Variants in GAREM1 observed in about 807,000 individuals in gnomAD.
GAREM1 encodes GRB2-associated and regulator of MAPK protein 1.
A neutral mutation model predicts 71.3 loss-of-function variants in GAREM1; 26 were observed. That is an observed-to-expected ratio of 0.36 (90% CI 0.27 to 0.51). The LOEUF (loss-of-function observed/expected upper bound fraction) is 0.51, where lower values mean the gene tolerates loss of function less well. Ranked by LOEUF, GAREM1 falls within the 20% of genes least tolerant of loss-of-function variation. GAREM1 has a pLI of 0.95. For synonymous variants in GAREM1, 440 were observed against 433.2 expected, an observed-to-expected ratio of 1.02 and a Z score of -0.20; for missense variants, 1,026 against 1,103.1, an observed-to-expected ratio of 0.93 and a Z score of 0.99.
At chr18:32,343,616 T>G (rs1208471646) in intron 2 of GAREM1, among the ~76,000 whole-genome samples, 1 of 152,192 alleles carries the variant, frequency 6.6e-6, no homozygotes, top group Admixed American at 6.5e-5. Flanking sequence ...AAGAGTACTT[T>G]TAAACCAAGC....
intron 4 of GAREM1, among the ~76,000 whole-genome samples, chr18:32,278,431 G>A (rs1416733414): frequency 6.6e-6 from 1 of 152,174 alleles, no homozygotes; most frequent in Non-Finnish European, 1.5e-5. Context: ...GGATCGTTTT[G>A]TTTCCATATT....
At chr18:32,444,377 C>A (rs2048767913) in intron 1 of GAREM1, among the ~76,000 whole-genome samples, 1 of 152,086 alleles carries the variant, frequency 6.6e-6, no homozygotes. Context: ...CTGCTTTTGC[C>A]CCCAGGCTTG....
At chr18:32,399,978 T>G (rs950816931) in intron 1 of GAREM1, among the ~76,000 whole-genome samples, 2 of 152,080 alleles carry the variant, frequency 1.3e-5, no homozygotes, top group Non-Finnish European at 2.9e-5. Context: ...AACAGAGATA[T>G]AGACCAATGG....
At chr18:32,372,579 C>A (rs1194495262) in intron 2 of GAREM1, among the ~76,000 whole-genome samples, 3 of 152,178 alleles carry the variant, frequency 2.0e-5, no homozygotes, top group Non-Finnish European at 2.9e-5. Context: ...CAAAGAGTGA[C>A]ACCCAGTGAG....
chr18:32,326,362 C>T (rs540158312), intron 2 of GAREM1, among the ~76,000 whole-genome samples: 1 of 152,220 alleles, frequency 6.6e-6, no homozygotes, highest in South Asian at 2.1e-4. Context: ...AAATTTGTGA[C>T]CATAATGACA....
At chr18:32,457,224 A>AGTGTGTGTGTGTGTGT (rs1309543369) in intron 1 of GAREM1, among the ~76,000 whole-genome samples, 12 of 107,362 alleles carry the variant, frequency 1.1e-4, no homozygotes, top group Non-Finnish European at 2.2e-4. Flanking sequence ...AGAGAGAGAG[A>AGTGTGTGTGTGTGTGT]GAGTGTGTGT....
intron 4 of GAREM1, among the ~76,000 whole-genome samples, chr18:32,274,650 T>G (rs1265112816): frequency 6.6e-6 from 1 of 152,146 alleles, no homozygotes. Context: ...CGCAGGTCCA[T>G]GCAAAGTGGT....
At chr18:32,347,554 A>C (rs956404790) in intron 2 of GAREM1, among the ~76,000 whole-genome samples, 25 of 152,196 alleles carry the variant, frequency 1.6e-4, no homozygotes, top group Admixed American at 1.2e-3. Context: ...CTAAATTTAG[A>C]AAAACAGTCT....
intron 2 of GAREM1, among the ~76,000 whole-genome samples, chr18:32,346,031 A>T (rs2047692674): frequency 6.6e-6 from 1 of 152,150 alleles, no homozygotes; most frequent in Non-Finnish European, 1.5e-5. Context: ...TCTCCACTAA[A>T]CTCAGTCTTA....
chr18:32,354,400 T>C (rs1598983979), intron 2 of GAREM1, among the ~76,000 whole-genome samples: 1 of 152,178 alleles, frequency 6.6e-6, no homozygotes, highest in African/African-American at 2.4e-5. Flanking sequence ...ACTGAATACA[T>C]GTTAAGAGAA....
chr18:32,294,077 A>G (rs567968096), intron 3 of GAREM1, among the ~76,000 whole-genome samples: 1 of 152,364 alleles, frequency 6.6e-6, no homozygotes, highest in African/African-American at 2.4e-5. Flanking sequence ...AGTAAATGCA[A>G]TAAAGTACAC....
At chr18:32,455,762 TACA>T (rs751437267) in intron 1 of GAREM1, among the ~76,000 whole-genome samples, 5 of 152,178 alleles carry the variant, frequency 3.3e-5, no homozygotes, top group Non-Finnish European at 7.3e-5. Flanking sequence ...CAGTTCTAGC[TACA>T]ACTTCACTTC....
chr18:32,268,905 C>T (rs2041416350), intron 5 of GAREM1, 137 bp from the exon 6 acceptor site: 1 of 645,106 alleles, frequency 1.6e-6, no homozygotes, highest in Non-Finnish European at 2.6e-6. Context: ...GCTAACTTCA[C>T]TGGGTTTTTT....
intron 2 of GAREM1, among the ~76,000 whole-genome samples, chr18:32,314,466 C>T (rs1221565282): frequency 1.3e-5 from 2 of 152,184 alleles, no homozygotes; most frequent in Non-Finnish European, 2.9e-5. Flanking sequence ...CAAGGGCCGC[C>T]ATGAGGATTA....
At chr18:32,416,581 G>A (rs1239918461) in intron 1 of GAREM1, among the ~76,000 whole-genome samples, 1 of 151,986 alleles carries the variant, frequency 6.6e-6, no homozygotes, top group African/African-American at 2.4e-5. Flanking sequence ...CACCTACAAT[G>A]AACTCATTTT....
intron 2 of GAREM1, among the ~76,000 whole-genome samples, chr18:32,335,002 C>T (rs1018276644): frequency 2.0e-5 from 3 of 152,222 alleles, no homozygotes; most frequent in Non-Finnish European, 4.4e-5. Flanking sequence ...CCCACTCCTT[C>T]CTTCCTCCTC....
In GAREM1 at chr18:32,345,657, C is replaced by T. The variant is rs2047688369; in HGVS notation, c.263-35334G>A. Among the ~76,000 whole-genome samples the T allele has an allele frequency of 2.0e-5, 3 of 152,168 alleles. 1 individual carries two copies. Among genetic ancestry groups the T allele is most frequent in the African/African-American group, 7.2e-5 (3 of 41,436 alleles). ...CCCAAACAAGCAAATGCTTATTTGACTCTTAGAATGAAAAGCAACTGATGA... is the reference window on the plus strand; with the variant it reads ...CCCAAACAAGCAAATGCTTATTTGATTCTTAGAATGAAAAGCAACTGATGA... On this transcript the variant is annotated intron_variant, in intron 2 of 5. Coordinates refer to ENST00000269209, the MANE Select transcript of GAREM1 (RefSeq NM_001242409.2).
At chr18:32,308,606 A>C (rs1415554863) in intron 3 of GAREM1, among the ~76,000 whole-genome samples, 1 of 150,146 alleles carries the variant, frequency 6.7e-6, no homozygotes, top group Admixed American at 6.6e-5. Context: ...CTAATGGAAT[A>C]GGATTTAACT....
chr18:32,425,786 G>C (rs1246975971), intron 1 of GAREM1, among the ~76,000 whole-genome samples: 1 of 152,142 alleles, frequency 6.6e-6, no homozygotes, highest in Non-Finnish European at 1.5e-5. Flanking sequence ...AGTAGCTCTT[G>C]AACTGTTTCT....
Sources: gnomAD v4.1 joint callset for allele counts (sites outside exome capture counted in the v4.1 genomes callset) on GRCh38, gnomAD v4.1.1 for gene constraint, MANE v1.5 for transcripts, NCBI Gene and HGNC (gene_info 2026-07-23, HGNC 2026-07-21) for gene names.